CACNA2D1: variants seen among roughly 807,000 people sequenced by gnomAD.
The protein encoded by CACNA2D1 is calcium voltage-gated channel auxiliary subunit alpha2delta 1, also known as voltage-dependent calcium channel subunit alpha-2/delta-1.
A neutral mutation model predicts 171.5 loss-of-function variants in CACNA2D1; 53 were observed. The observed-to-expected ratio is 0.31, with a 90% CI of 0.25 to 0.39. The LOEUF (loss-of-function observed/expected upper bound fraction) is 0.39. Ranked by LOEUF, CACNA2D1 falls within the 10% of genes least tolerant of loss-of-function variation. CACNA2D1 has a pLI of 1.00. For missense variants in CACNA2D1, 903 were observed against 1,299.8 expected (o/e 0.69, Z 4.69); for synonymous variants, 442 against 443.1 (o/e 1.00, Z 0.03).
intron 10 of CACNA2D1, 84 bp from the exon 11 acceptor site, chr7:82,038,319 A>C (rs190015794): frequency 8.3e-7 from 1 of 1,197,794 alleles, no homozygotes; most frequent in East Asian, 2.5e-5. Flanking sequence ...TGATACTCCT[A>C]AACGGTATTG....
At chr7:82,137,707 T>TTAAAAAAAAAAAAAAAA (rs1770795225) in intron 4 of CACNA2D1, among the ~76,000 whole-genome samples, 1 of 78,844 alleles carries the variant, frequency 1.3e-5, no homozygotes, top group African/African-American at 5.3e-5. Context: ...CCGTCTCTAC[T>TTAAAAAAAAAAAAAAAA]AAAAAAAAAA....
chr7:82,240,658 G>A (rs910630681), intron 3 of CACNA2D1, among the ~76,000 whole-genome samples: 23 of 151,970 alleles, frequency 1.5e-4, no homozygotes, highest in African/African-American at 5.3e-4. Flanking sequence ...CACCACTTAT[G>A]TTTTACTTAA....
chr7:82,171,813 T>C (rs3801723), intron 3 of CACNA2D1, among the ~76,000 whole-genome samples: 36,395 of 151,950 alleles, frequency 0.24, 5,401 homozygotes, highest in East Asian at 0.39. Flanking sequence ...GTATAGAAAT[T>C]ATCAGGTTAG....
intron 36 of CACNA2D1, among the ~76,000 whole-genome samples, chr7:81,960,516 A>C (rs531423006): frequency 3.3e-5 from 5 of 152,182 alleles, no homozygotes; most frequent in African/African-American, 1.2e-4. Context: ...TCCACACCTT[A>C]AGCTGCTCTT....
chr7:82,007,234 A>C (rs978579697), intron 16 of CACNA2D1, among the ~76,000 whole-genome samples: 16 of 152,196 alleles, frequency 1.1e-4, no homozygotes, highest in Non-Finnish European at 1.6e-4. Flanking sequence ...TTAAGTTACA[A>C]GATAATTTTT....
intron 1 of CACNA2D1, among the ~76,000 whole-genome samples, chr7:82,394,206 C>T (rs1404804302): frequency 6.6e-6 from 1 of 151,988 alleles, no homozygotes; most frequent in Non-Finnish European, 1.5e-5. Context: ...CGTCTACCTG[C>T]ATTTTAAATC....
At chr7:82,297,205 G>A (rs1330744601) in intron 3 of CACNA2D1, among the ~76,000 whole-genome samples, 6 of 151,956 alleles carry the variant, frequency 3.9e-5, no homozygotes, top group Admixed American at 6.6e-5. Flanking sequence ...GAGCAAGGTC[G>A]TGCCACTGCA....
Position 82,431,511 on chromosome 7 carries a change from T to G in CACNA2D1, c.95+11854A>C, listed in dbSNP as rs73160417. On this transcript the variant is annotated intron_variant, in intron 1 of 38. Transcript: ENST00000356860. The stretch of plus-strand genomic sequence containing the variant: ...CATGACTCCTCTCTCTCAATCTTAT[T>G]GCTGGAATATGCAGCCAGGCGAGAT... 4.7e-3 allele frequency among the ~76,000 whole-genome samples: 710 copies of G among 152,288 alleles called. 1 individual carries two copies. The highest frequency in any genetic ancestry group is 9.1e-3 in the South Asian group (44 of 4,824).
chr7:81,990,010 T>C (rs1238601649), intron 21 of CACNA2D1, among the ~76,000 whole-genome samples: 3 of 152,170 alleles, frequency 2.0e-5, no homozygotes, highest in Non-Finnish European at 4.4e-5. Flanking sequence ...GTAAAGACTA[T>C]GAAGGCATTG....
chr7:82,213,909 A>G (rs1027846439), intron 3 of CACNA2D1, among the ~76,000 whole-genome samples: 2 of 152,184 alleles, frequency 1.3e-5, no homozygotes, highest in Non-Finnish European at 2.9e-5. Context: ...TTTAAGCAAC[A>G]GAAATGTATT....
chr7:81,988,649 A>C (rs1184049808), intron 21 of CACNA2D1, among the ~76,000 whole-genome samples: 2 of 152,218 alleles, frequency 1.3e-5, no homozygotes, highest in Non-Finnish European at 2.9e-5. Flanking sequence ...TAAATATTGC[A>C]ATGGAAGTTC....
intron 7 of CACNA2D1, among the ~76,000 whole-genome samples, chr7:82,068,830 G>T (rs561445967): frequency 6.6e-6 from 1 of 151,968 alleles, no homozygotes; most frequent in Non-Finnish European, 1.5e-5. Context: ...GATTTCTGTT[G>T]TCACTACCAT....
chr7:81,960,974 A>G (rs1222274739), intron 36 of CACNA2D1, among the ~76,000 whole-genome samples: 4 of 152,016 alleles, frequency 2.6e-5, no homozygotes, highest in Non-Finnish European at 2.9e-5. Context: ...AGAAAGTCAT[A>G]AAACATACTG....
intron 3 of CACNA2D1, among the ~76,000 whole-genome samples, chr7:82,251,632 G>T (rs925984396): frequency 2.0e-5 from 3 of 151,912 alleles, no homozygotes; most frequent in Non-Finnish European, 2.9e-5. Flanking sequence ...GCTTTTTTCC[G>T]TTGCTTTTCT....
chr7:81,987,329 T>G (rs1011078534), intron 21 of CACNA2D1, among the ~76,000 whole-genome samples: 4 of 152,168 alleles, frequency 2.6e-5, no homozygotes, highest in Admixed American at 2.6e-4. Flanking sequence ...CAAGACTGCT[T>G]TATTTCCTTC....
intron 3 of CACNA2D1, among the ~76,000 whole-genome samples, chr7:82,217,806 T>C (rs1032519374): frequency 1.3e-5 from 2 of 151,792 alleles, no homozygotes; most frequent in African/African-American, 2.4e-5. Context: ...TTTCAGCTAG[T>C]TTTTCATCAT....
intron 35 of CACNA2D1, 88 bp from the exon 36 acceptor site, chr7:81,962,111 G>T: frequency 7.8e-7 from 1 of 1,288,712 alleles, no homozygotes; most frequent in South Asian, 1.2e-5. Flanking sequence ...ACTTCTCACA[G>T]AGCAAAATAA....
At chr7:82,342,433 G>A (rs996880654) in intron 2 of CACNA2D1, among the ~76,000 whole-genome samples, 1 of 152,084 alleles carries the variant, frequency 6.6e-6, no homozygotes, top group Non-Finnish European at 1.5e-5. Context: ...AGGCTTTGCT[G>A]GGAATGTGAA....
intron 11 of CACNA2D1, among the ~76,000 whole-genome samples, chr7:82,035,685 A>G (rs1255814356): frequency 6.6e-6 from 1 of 152,132 alleles, no homozygotes; most frequent in Admixed American, 6.5e-5. Context: ...TCACAACTGA[A>G]ACCTAAACAG....
Sources: gnomAD v4.1 joint callset for allele counts (sites outside exome capture counted in the v4.1 genomes callset) on GRCh38, gnomAD v4.1.1 for gene constraint, MANE v1.5 for transcripts, NCBI Gene and HGNC (gene_info 2026-07-23, HGNC 2026-07-21) for gene names.